RIOK1: variants seen among roughly 807,000 people sequenced by gnomAD.
RIOK1 encodes RIO kinase 1.
Under a neutral mutation model 73.5 loss-of-function variants are expected in RIOK1, and 66 were observed. The ratio of observed to expected loss-of-function variants is 0.90; its 90% confidence interval spans 0.74 to 1.10. The LOEUF is 1.10. RIOK1 is among the 50% of genes least tolerant of loss of function. The pLI is 0.00. For synonymous variants in RIOK1, 224 were observed against 226.8 expected, an observed-to-expected ratio of 0.99 and a Z score of 0.11; for missense variants, 658 against 699.8, an observed-to-expected ratio of 0.94 and a Z score of 0.67.
chr6:7,405,702 C>T (rs1245722009), intron 12 of RIOK1, among the ~76,000 whole-genome samples: 3 of 151,838 alleles, frequency 2.0e-5, no homozygotes, highest in Non-Finnish European at 4.4e-5. Flanking sequence ...TTGACAGCTT[C>T]CTGAGACCTT....
chr6:7,412,133 G>T (rs1478947595), intron 14 of RIOK1, among the ~76,000 whole-genome samples: 2 of 152,162 alleles, frequency 1.3e-5, no homozygotes, highest in Non-Finnish European at 2.9e-5. Flanking sequence ...GGCTAAGGTG[G>T]GCGGATCACT....
Position 7,405,285 on chromosome 6 carries a change from T to G in RIOK1, c.1133T>G (p.Val378Gly). The G allele has an allele frequency of 1.2e-6, 2 of 1,613,576 alleles. No individual in the cohort carries two copies. The highest frequency in any genetic ancestry group is 1.7e-6 in the Non-Finnish European group (2 of 1,179,546). The change falls in exon 12 of 17, where the codon GTG (valine) becomes GGG (glycine). Residue 378 changes from valine to glycine, a missense_variant. Val to Gly is a moderately radical substitution (Grantham distance 109). Coordinates refer to ENST00000379834, the MANE Select transcript of RIOK1 (RefSeq NM_031480.3). ...FMRHSVAVMT[V>G]RELFEFVTDP... ...AGGCACAGTGTTGCTGTCATGACTG[T>G]GCGGGAGCTCTTTGAATTTGTCACA...
At position 7,405,246 on chromosome 6, in the gene RIOK1, C is replaced by A; in HGVS notation, c.1097-3C>A. 1 of 1,592,554 alleles carries A rather than the reference C, an allele frequency of 6.3e-7. No homozygotes were observed. The highest frequency in any genetic ancestry group is 8.6e-7 in the Non-Finnish European group (1 of 1,162,704). ...CTGTCATTAACGTTTTTCCTTCTGA[C>A]AGATTTCTTTATGAGGCACAGTGTT... On this transcript the variant is annotated splice_polypyrimidine_tract_variant and splice_region_variant and intron_variant, in intron 11 of 16. Transcript: ENST00000379834.
At chr6:7,416,597 G>A (rs552218880) in intron 16 of RIOK1, among the ~76,000 whole-genome samples, 22 of 149,448 alleles carry the variant, frequency 1.5e-4, no homozygotes, top group African/African-American at 4.9e-4. Flanking sequence ...GCAGTGAGCC[G>A]AGATCACGCC....
chr6:7,411,827 A>G (rs1342095623), intron 14 of RIOK1, among the ~76,000 whole-genome samples: 1 of 152,258 alleles, frequency 6.6e-6, no homozygotes, highest in African/African-American at 2.4e-5. Flanking sequence ...TTGCAAGCCA[A>G]GAAACAAAAT....
chr6:7,409,018 G>A (rs1581721052), intron 12 of RIOK1, among the ~76,000 whole-genome samples: 1 of 148,858 alleles, frequency 6.7e-6, no homozygotes, highest in South Asian at 2.1e-4. Context: ...ACCGCACCCG[G>A]CCTCTTTTAT....
chr6:7,399,217 T>G (rs12213567), intron 5 of RIOK1, among the ~76,000 whole-genome samples: 67,074 of 151,994 alleles, frequency 0.44, 17,148 homozygotes, highest in Middle Eastern at 0.59. Flanking sequence ...TTTCCCACAT[T>G]CCGAAGAATG....
chr6:7,395,142 A>T lies in RIOK1; in HGVS notation c.366A>T (p.Leu122Phe), dbSNP rs887119596. The T allele has an allele frequency of 6.2e-7, 1 of 1,609,714 alleles. No homozygotes were observed. The highest frequency in any genetic ancestry group is 1.3e-5 in the African/African-American group (1 of 74,622). ...GGAAATTTGAGAATAAAATTAATTTAGGTGAGTTTACAAAATACATCACTG... is the reference window on the plus strand; with the variant it reads ...GGAAATTTGAGAATAAAATTAATTTTGGTGAGTTTACAAAATACATCACTG... ...VLRKFENKIN[L>F]DKLNVTDSVI... Residue 122 changes from leucine (L) to phenylalanine (F), a missense_variant and splice_region_variant, in exon 3 of 17, where the codon TTA becomes TTT. Physicochemically the swap from Leu to Phe is conservative, Grantham distance 22. Coordinates refer to ENST00000379834, the MANE Select transcript of RIOK1 (RefSeq NM_031480.3).
chr6:7,417,359 A>T lies in RIOK1; in HGVS notation c.1625A>T (p.Gln542Leu). 1 of 1,563,886 alleles carries T rather than the reference A, an allele frequency of 6.4e-7. No homozygotes were observed. Among genetic ancestry groups the T allele is most frequent in the African/African-American group, 1.4e-5 (1 of 73,684 alleles). ...AGAAAAAAGATGGTCAAGGAAGCCCAGAGAGAGAAAAGAAAAAACAAAATT... is the reference window on the plus strand; with the variant it reads ...AGAAAAAAGATGGTCAAGGAAGCCCTGAGAGAGAAAAGAAAAAACAAAATT... ...KERKKMVKEA[Q>L]REKRKNKIPK... Residue 542 changes from glutamine to leucine, a missense_variant, in exon 17 of 17, where the codon CAG (glutamine) becomes CTG (leucine). Coordinates refer to ENST00000379834, the MANE Select transcript of RIOK1 (RefSeq NM_031480.3).
rs774761601 is a variant in RIOK1, at chr6:7,411,452, G to A, written c.1389+1G>A. 1.2e-6 allele frequency: 2 copies of A among 1,613,764 alleles called. No homozygotes were observed. Among genetic ancestry groups the A allele is most frequent in the African/African-American group, 1.3e-5 (1 of 74,912 alleles). On this transcript the variant is annotated splice_donor_variant, in intron 14 of 16. Coordinates refer to ENST00000379834, the MANE Select transcript of RIOK1 (RefSeq NM_031480.3). LOFTEE classifies it high-confidence loss of function. ...GGCCATGAATGCCCAACAAGATAATGTAAGTAGCTTGGTTTGTATATAGCA... is the reference window on the plus strand; with the variant it reads ...GGCCATGAATGCCCAACAAGATAATATAAGTAGCTTGGTTTGTATATAGCA...
At chr6:7,400,661 A>T (rs1181889221) in intron 5 of RIOK1, among the ~76,000 whole-genome samples, 1 of 152,228 alleles carries the variant, frequency 6.6e-6, no homozygotes, top group Admixed American at 6.5e-5. Context: ...TGTAGTTTGC[A>T]TTATACTTCT....
intron 6 of RIOK1, 126 bp from the exon 7 acceptor site, chr6:7,402,477 A>G (rs1471825868): frequency 1.6e-6 from 1 of 621,052 alleles, no homozygotes; most frequent in Admixed American, 3.4e-5. Flanking sequence ...CACATATTCA[A>G]AAGACAGTGG....
intron 16 of RIOK1, among the ~76,000 whole-genome samples, chr6:7,414,935 T>C (rs543425981): frequency 6.6e-6 from 1 of 152,302 alleles, no homozygotes; most frequent in African/African-American, 2.4e-5. Flanking sequence ...CATCACGTGG[T>C]CCAGCGTCTT....
chr6:7,390,433 G>T (rs1295015829), intron 1 of RIOK1, among the ~76,000 whole-genome samples: 1 of 152,178 alleles, frequency 6.6e-6, no homozygotes, highest in East Asian at 1.9e-4. Context: ...CTGGGCGCCG[G>T]AGGTAACAAG....
intron 2 of RIOK1, 54 bp from the exon 3 acceptor site, chr6:7,394,999 A>G: frequency 6.2e-7 from 1 of 1,603,136 alleles, no homozygotes; most frequent in African/African-American, 1.3e-5. Flanking sequence ...TGTGATGATG[A>G]ATCTTAGGTT....
intron 1 of RIOK1, among the ~76,000 whole-genome samples, chr6:7,391,745 G>T (rs890956342): frequency 2.0e-5 from 3 of 152,150 alleles, no homozygotes; most frequent in African/African-American, 7.2e-5. Flanking sequence ...AGAGGCCAGA[G>T]ATATGCTGCT....
At chr6:7,415,992 C>T (rs560572056) in intron 16 of RIOK1, among the ~76,000 whole-genome samples, 57 of 152,330 alleles carry the variant, frequency 3.7e-4, no homozygotes, top group African/African-American at 1.3e-3. Flanking sequence ...TAGGGTTTGG[C>T]ACTATCCACA....
At position 7,411,312 on chromosome 6, in the gene RIOK1, T is replaced by C. The variant is rs753852550; in HGVS notation, c.1270-20T>C. 5 of 1,612,322 alleles carry C rather than the reference T, an allele frequency of 3.1e-6. No homozygotes were observed. The highest frequency in any genetic ancestry group is 4.2e-6 in the Non-Finnish European group (5 of 1,179,016). On this transcript the variant is annotated intron_variant, in intron 13 of 16. Transcript: ENST00000379834. ...AAGTGTATGAATAACAGTTTTGATTTTGCTTTTCCTCTCTGTTAGGTGTTT... is the reference window on the plus strand; with the variant it reads ...AAGTGTATGAATAACAGTTTTGATTCTGCTTTTCCTCTCTGTTAGGTGTTT...
chr6:7,417,345 G>T lies in RIOK1; in HGVS notation c.1611G>T (p.Met537Ile). ...GTTTTTTACAGGAAAGAAAAAAGAT[G>T]GTCAAGGAAGCCCAGAGAGAGAAAA... The part of the protein sequence containing the change: ...PDIDKKERKK[M>I]VKEAQREKRK... The change falls in exon 17 of 17, where the codon ATG becomes ATT. Residue 537 changes from methionine (M) to isoleucine (I), a missense_variant. Coordinates refer to ENST00000379834, the MANE Select transcript of RIOK1 (RefSeq NM_031480.3). The T allele has an allele frequency of 6.5e-7, 1 of 1,539,638 alleles. No individual in the cohort carries two copies. Among genetic ancestry groups the T allele is most frequent in the South Asian group, 1.3e-5 (1 of 79,048 alleles).
Sources: allele counts gnomAD v4.1 joint callset (sites outside exome capture counted in the v4.1 genomes callset), GRCh38; gene constraint gnomAD v4.1.1; transcripts MANE v1.5; gene names NCBI Gene and HGNC (gene_info 2026-07-23, HGNC 2026-07-21).